CACNA1C: variants seen among roughly 807,000 people sequenced by gnomAD.
The protein encoded by CACNA1C is voltage-dependent L-type calcium channel subunit alpha-1C.
CACNA1C carries 30 observed loss-of-function variants against 229.0 expected under a neutral mutation model. The observed-to-expected ratio is 0.13, with a 90% CI of 0.10 to 0.18. The LOEUF (loss-of-function observed/expected upper bound fraction) is 0.18, where lower values mean the gene tolerates loss of function less well. Ranked by LOEUF, CACNA1C falls within the 10% of genes least tolerant of loss-of-function variation. The probability of loss-of-function intolerance (pLI) is 1.00; values close to 1 mark genes in which losing one functional copy is unlikely to be tolerated. For synonymous variants in CACNA1C, 1,114 were observed against 1,132.5 expected (o/e 0.98, Z 0.33); for missense variants, 1,658 against 2,845.0 (o/e 0.58, Z 9.49).
intron 5 of CACNA1C, among the ~76,000 whole-genome samples, chr12:2,474,520 C>T (rs111572605): frequency 0.041 from 6,275 of 152,138 alleles, 417 homozygotes; most frequent in African/African-American, 0.14. Context: ...TTTGGGAGGC[C>T]GAGGCAGGCA....
rs1383318956 is a variant in CACNA1C, at chr12:2,693,362, C to G, written c.*2163C>G. ...TCCCTTCCACCACACGGAATTTTCT[C>G]TTTGGCTTCCTTAGGAAAGTGTACA... On this transcript the variant is annotated 3_prime_UTR_variant, in exon 47 of 47. Transcript: ENST00000399655. 1 of 152,192 alleles carries G rather than the reference C, an allele frequency of 6.6e-6. No individual in the cohort carries two copies. The highest frequency in any genetic ancestry group is 1.5e-5 in the Non-Finnish European group (1 of 68,060). The allele number at this position is 152,192 out of a possible 1,614,324, so 9.4% of individuals were successfully genotyped here. A position where few individuals can be genotyped will look rare whatever the true frequency, so the allele number is the denominator to read the frequency against.
At chr12:2,253,133 G>A (rs2076215429) in intron 3 of CACNA1C, among the ~76,000 whole-genome samples, 1 of 152,178 alleles carries the variant, frequency 6.6e-6, no homozygotes, top group African/African-American at 2.4e-5. Context: ...ACTCTCTTTT[G>A]AATCCACTTA....
intron 3 of CACNA1C, among the ~76,000 whole-genome samples, chr12:2,277,850 C>A (rs961872812): frequency 1.3e-5 from 2 of 152,198 alleles, no homozygotes; most frequent in African/African-American, 2.4e-5. Flanking sequence ...ATTACTGGAC[C>A]TGATTCTGTT....
At chr12:2,673,868 C>G (rs1435574717) in intron 38 of CACNA1C, among the ~76,000 whole-genome samples, 1 of 152,218 alleles carries the variant, frequency 6.6e-6, no homozygotes, top group African/African-American at 2.4e-5. Context: ...GGAGTAAAAT[C>G]TATGATGGTC....
chr12:2,096,598 T>C (rs2074101384), intron 1 of CACNA1C, among the ~76,000 whole-genome samples: 4 of 152,232 alleles, frequency 2.6e-5, no homozygotes. Flanking sequence ...ATATGCAACA[T>C]AAAAATTATC....
At chr12:2,434,929 A>G (rs1041862210) in intron 3 of CACNA1C, among the ~76,000 whole-genome samples, 1 of 152,210 alleles carries the variant, frequency 6.6e-6, no homozygotes, top group African/African-American at 2.4e-5. Context: ...TTCCTAAAAC[A>G]TAGCTTGGCA....
rs977581531 is a variant in CACNA1C, at chr12:2,034,449, C to A, written c.139+63248C>A. Reference sequence around the variant, plus strand: ...TTGTCCAGAGATGGGATGAACAAGCCCAGCTGGGGCTGCATTTCCATCCCT... The same window carrying A: ...TTGTCCAGAGATGGGATGAACAAGCACAGCTGGGGCTGCATTTCCATCCCT... On this transcript the variant is annotated intron_variant, in intron 1 of 46. Coordinates refer to the CACNA1C transcript ENST00000682462. The surrounding 1 kb of genome is among the most constrained non-coding windows in gnomAD (Gnocchi z 4.1). 6.6e-6 allele frequency among the ~76,000 whole-genome samples: 1 copy of A among 152,162 alleles called. No homozygotes were observed. Among genetic ancestry groups the A allele is most frequent in the Non-Finnish European group, 1.5e-5 (1 of 68,036 alleles).
At chr12:2,506,773 A>G (rs2099772813) in intron 8 of CACNA1C, among the ~76,000 whole-genome samples, 1 of 152,182 alleles carries the variant, frequency 6.6e-6, no homozygotes, top group African/African-American at 2.4e-5. Context: ...TTGAACTGCA[A>G]CACAAGCCAC....
rs1347910643 is a variant in CACNA1C at position 2,026,011 on chromosome 12, T to G, written c.139+54810T>G. Among the ~76,000 whole-genome samples, 4 of 152,312 alleles carry G rather than the reference T, an allele frequency of 2.6e-5. No individual in the cohort carries two copies. In the East Asian group the frequency reaches 7.7e-4, roughly 29 times the overall value. ...CTAGTAGACATATGTGCAAAAGCCTTTGAAAGACCAGAAGAAAGCCAACTG... is the reference window on the plus strand; with the variant it reads ...CTAGTAGACATATGTGCAAAAGCCTGTGAAAGACCAGAAGAAAGCCAACTG... On this transcript the variant is annotated intron_variant, in intron 1 of 46. Transcript: ENST00000682462.
chr12:2,149,928 A>T, intron 3 of CACNA1C, among the ~76,000 whole-genome samples: 1 of 152,192 alleles, frequency 6.6e-6, no homozygotes, highest in East Asian at 1.9e-4. Context: ...ATTATGAGTC[A>T]AGACTGGGCA....
At chr12:2,185,604 A>C (rs924335019) in intron 3 of CACNA1C, among the ~76,000 whole-genome samples, 1 of 152,316 alleles carries the variant, frequency 6.6e-6, no homozygotes, top group Middle Eastern at 3.4e-3. Flanking sequence ...ATAGAAGGAA[A>C]AGCATGTGAA....
chr12:2,143,802 T>G (rs1023826191), intron 3 of CACNA1C, among the ~76,000 whole-genome samples: 1 of 151,200 alleles, frequency 6.6e-6, no homozygotes, highest in African/African-American at 2.4e-5. Flanking sequence ...TGGATTTGGT[T>G]GGGTTGTGGT....
At chr12:2,185,057 A>G (rs895362556) in intron 3 of CACNA1C, among the ~76,000 whole-genome samples, 5 of 149,618 alleles carry the variant, frequency 3.3e-5, no homozygotes, top group African/African-American at 1.3e-4. Flanking sequence ...TTACAACTCA[A>G]CGCAGCTGTA....
chr12:2,264,197 T>C (rs1346537717), intron 3 of CACNA1C, among the ~76,000 whole-genome samples: 1 of 152,164 alleles, frequency 6.6e-6, no homozygotes, highest in Non-Finnish European at 1.5e-5. Context: ...GAATGGACTC[T>C]CCTGTATAGT....
At chr12:2,262,095 C>CT (rs1456375426) in intron 3 of CACNA1C, among the ~76,000 whole-genome samples, 2 of 152,208 alleles carry the variant, frequency 1.3e-5, no homozygotes, top group East Asian at 3.9e-4. Flanking sequence ...CCAAGGGGCA[C>CT]AGTGGAGTGC....
At chr12:2,652,818 C>T (rs1057391209) in intron 32 of CACNA1C, among the ~76,000 whole-genome samples, 6 of 152,210 alleles carry the variant, frequency 3.9e-5, no homozygotes, top group Non-Finnish European at 8.8e-5. Context: ...TAGACACCAG[C>T]GGAAGCAGGA....
chr12:2,088,731 G>T (rs572372070), intron 1 of CACNA1C, among the ~76,000 whole-genome samples: 15 of 152,258 alleles, frequency 9.9e-5, no homozygotes, highest in African/African-American at 3.6e-4. Context: ...CTTCGTGCTT[G>T]CAGACATGCG....
chr12:2,332,159 C>T (rs1377062125), intron 3 of CACNA1C, among the ~76,000 whole-genome samples: 1 of 151,828 alleles, frequency 6.6e-6, no homozygotes, highest in African/African-American at 2.4e-5. Context: ...CAGATGATTC[C>T]AAAAAAATAT....
intron 5 of CACNA1C, among the ~76,000 whole-genome samples, chr12:2,480,068 T>A (rs1160725476): frequency 6.6e-6 from 1 of 152,162 alleles, no homozygotes; most frequent in African/African-American, 2.4e-5. Context: ...CTCGTGTGCT[T>A]CCTGAATTTG....
Sources: gnomAD v4.1 joint callset for allele counts (sites outside exome capture counted in the v4.1 genomes callset) on GRCh38, gnomAD v4.1.1 for gene constraint, Gnocchi (gnomAD v3.1) non-coding constraint, MANE v1.5 for transcripts, NCBI Gene and HGNC (gene_info 2026-07-23, HGNC 2026-07-21) for gene names.